PRUNE2: variants seen among roughly 807,000 people sequenced by gnomAD.
The protein encoded by PRUNE2 is protein prune homolog 2.
PRUNE2 carries 164 observed loss-of-function variants against 252.0 expected under a neutral mutation model. The ratio of observed to expected loss-of-function variants is 0.65; its 90% confidence interval spans 0.57 to 0.74. PRUNE2 has a LOEUF of 0.74. Ranked by LOEUF, PRUNE2 falls within the 30% of genes least tolerant of loss-of-function variation. The pLI is 0.00. For missense variants in PRUNE2, 3,495 were observed against 3,711.0 expected, an observed-to-expected ratio of 0.94 and a Z score of 1.51; for synonymous variants, 1,292 against 1,350.2, an observed-to-expected ratio of 0.96 and a Z score of 0.94.
intron 1 of PRUNE2, among the ~76,000 whole-genome samples, chr9:76,898,962 C>G (rs1322691683): frequency 6.6e-6 from 1 of 152,222 alleles, no homozygotes; most frequent in Non-Finnish European, 1.5e-5. Flanking sequence ...AGGTCTGACT[C>G]AGGATCATGC....
chr9:76,767,038 A>C (rs2052478758), intron 6 of PRUNE2, among the ~76,000 whole-genome samples: 1 of 152,168 alleles, frequency 6.6e-6, no homozygotes, highest in Admixed American at 6.5e-5. Flanking sequence ...TGTCTTATTC[A>C]CTGCTGTATT....
intron 4 of PRUNE2, among the ~76,000 whole-genome samples, chr9:76,833,574 G>A (rs1238629672): frequency 6.6e-6 from 1 of 151,772 alleles, no homozygotes; most frequent in Non-Finnish European, 1.5e-5. Flanking sequence ...GACCATCCTG[G>A]CTAACACGGT....
intron 6 of PRUNE2, among the ~76,000 whole-genome samples, chr9:76,729,918 T>C (rs1480434302): frequency 6.6e-6 from 1 of 152,234 alleles, no homozygotes; most frequent in African/African-American, 2.4e-5. Flanking sequence ...CACAGACTCC[T>C]ACATTTTTAC....
Position 76,705,113 on chromosome 9 carries a change from C to G in PRUNE2, c.7161G>C (p.Gln2387His). 1 of 1,614,022 alleles carries G rather than the reference C, an allele frequency of 6.2e-7. No individual in the cohort carries two copies. Among genetic ancestry groups the G allele is most frequent in the Non-Finnish European group, 8.5e-7 (1 of 1,179,894 alleles). ...DPPLEEDSLK[Q>H]SLAPYTPPFD... The stretch of plus-strand genomic sequence containing the variant: ...AGGGAGGTGTGTACGGTGCCAGCGA[C>G]TGCTTCAGAGAATCTTCCTCCAAAG... Residue 2387 changes from glutamine to histidine, a missense_variant, in exon 8 of 19, where the codon CAG becomes CAC. Coordinates refer to ENST00000376718, the MANE Select transcript of PRUNE2 (RefSeq NM_015225.3).
intron 1 of PRUNE2, among the ~76,000 whole-genome samples, chr9:76,897,521 C>T (rs140742507): frequency 1.3e-5 from 2 of 148,600 alleles, no homozygotes; most frequent in African/African-American, 4.9e-5. Context: ...TCAAGCAATT[C>T]CCCTGCCTCA....
intron 1 of PRUNE2, among the ~76,000 whole-genome samples, chr9:76,873,256 C>G (rs1254218131): frequency 6.6e-6 from 1 of 152,158 alleles, no homozygotes; most frequent in Non-Finnish European, 1.5e-5. Flanking sequence ...AACTAGTACA[C>G]TAAGTCATAG....
chr9:76,890,300 G>C (rs1369211318), intron 1 of PRUNE2, among the ~76,000 whole-genome samples: 1 of 152,198 alleles, frequency 6.6e-6, no homozygotes, highest in Non-Finnish European at 1.5e-5. Flanking sequence ...CCAAGAGCAG[G>C]CTATGCTGAA....
At chr9:76,833,656 T>C (rs1164689064) in intron 4 of PRUNE2, among the ~76,000 whole-genome samples, 1 of 151,530 alleles carries the variant, frequency 6.6e-6, no homozygotes, top group Non-Finnish European at 1.5e-5. Flanking sequence ...TCCCAGCTAC[T>C]TGGGAGGCTG....
At chr9:76,799,232 T>C (rs1376805745) in intron 6 of PRUNE2, among the ~76,000 whole-genome samples, 1 of 150,828 alleles carries the variant, frequency 6.6e-6, no homozygotes, top group Non-Finnish European at 1.5e-5. Flanking sequence ...TCCCAGCTAC[T>C]CCAAAGGCTG....
chr9:76,854,168 C>G lies in PRUNE2; in HGVS notation c.77G>C (p.Gly26Ala), dbSNP rs367899437. ...AGAATCCAAGTCACACGATTTAGGC[C>G]CAATAACCACATGGACCTTCTCCAA... Reference protein sequence around the residue: ...KRLEKVHVVIGPKSCDLDSLI... With the variant: ...KRLEKVHVVIAPKSCDLDSLI... The change falls in exon 2 of 19, where the codon GGG becomes GCG. Residue 26 changes from glycine to alanine, a missense_variant. By Grantham distance (60) the Gly-to-Ala change is moderately conservative. Transcript: ENST00000376718. 1.2e-5 allele frequency: 20 copies of G among 1,604,634 alleles called. No homozygotes were observed. Among genetic ancestry groups the G allele is most frequent in the Non-Finnish European group, 1.7e-5 (20 of 1,173,904 alleles).
intron 1 of PRUNE2, among the ~76,000 whole-genome samples, chr9:76,854,940 C>T (rs1458741466): frequency 7.9e-5 from 12 of 151,156 alleles, no homozygotes; most frequent in African/African-American, 2.9e-4. Flanking sequence ...GTGGCACGTG[C>T]CTGTAGTTCC....
chr9:76,751,162 G>A (rs892849426), intron 6 of PRUNE2, among the ~76,000 whole-genome samples: 2 of 152,092 alleles, frequency 1.3e-5, no homozygotes, highest in Non-Finnish European at 2.9e-5. Context: ...AATGCACTCT[G>A]CTAAGCAGTC....
chr9:76,624,386 T>G, intron 17 of PRUNE2, 66 bp downstream of exon 17: 3 of 1,139,594 alleles, frequency 2.6e-6, no homozygotes, highest in Non-Finnish European at 2.3e-6. Context: ...CATGCAGATT[T>G]TCCCAATTCA....
At chr9:76,827,858 T>C (rs1244194685) in intron 4 of PRUNE2, among the ~76,000 whole-genome samples, 1 of 152,222 alleles carries the variant, frequency 6.6e-6, no homozygotes, top group East Asian at 1.9e-4. Context: ...GCTCACAGTG[T>C]TATACTAAGC....
intron 12 of PRUNE2, among the ~76,000 whole-genome samples, chr9:76,643,735 C>A (rs1455963027): frequency 6.6e-6 from 1 of 152,148 alleles, no homozygotes. Flanking sequence ...CCTGGGTGGT[C>A]CTGATACTTA....
intron 16 of PRUNE2, 43 bp from the exon 17 acceptor site, chr9:76,624,533 G>A: frequency 1.5e-6 from 2 of 1,350,398 alleles, no homozygotes; most frequent in Non-Finnish European, 1.9e-6. Flanking sequence ...AAACAAAAGA[G>A]AAGCAAGCAC....
chr9:76,746,958 A>C (rs1371891487), intron 6 of PRUNE2, among the ~76,000 whole-genome samples: 4 of 152,168 alleles, frequency 2.6e-5, no homozygotes. Flanking sequence ...CATTGTAGCA[A>C]ATTAATTGAA....
chr9:76,807,062 G>C (rs953967880), intron 6 of PRUNE2, among the ~76,000 whole-genome samples: 1 of 151,048 alleles, frequency 6.6e-6, no homozygotes, highest in African/African-American at 2.4e-5. Flanking sequence ...GCGCGCGCGC[G>C]TGTGTCTGTC....
At chr9:76,717,222 T>C (rs574995848) in intron 6 of PRUNE2, among the ~76,000 whole-genome samples, 2 of 152,358 alleles carry the variant, frequency 1.3e-5, no homozygotes, top group East Asian at 3.9e-4. Flanking sequence ...GGCCTTGGGA[T>C]AATGTCAAGA....
Sources: gnomAD v4.1 joint callset for allele counts (sites outside exome capture counted in the v4.1 genomes callset) on GRCh38, gnomAD v4.1.1 for gene constraint, MANE v1.5 for transcripts, NCBI Gene and HGNC (gene_info 2026-07-23, HGNC 2026-07-21) for gene names.